Variants in TAMM41 observed in about 807,000 individuals in gnomAD.
TAMM41 encodes phosphatidate cytidylyltransferase, mitochondrial.
In TAMM41, 36 loss-of-function variants were observed where a neutral mutation model predicts 44.1. The ratio of observed to expected loss-of-function variants is 0.82; its 90% CI spans 0.63 to 1.08. TAMM41 has a LOEUF of 1.08. Ranked by LOEUF, TAMM41 falls within the 50% of genes least tolerant of loss-of-function variation. The pLI, the probability that TAMM41 is intolerant of heterozygous loss-of-function variation, is 0.00. For synonymous variants in TAMM41, 164 were observed against 153.1 expected, an observed-to-expected ratio of 1.07 and a Z score of -0.53; for missense variants, 417 against 404.3, an observed-to-expected ratio of 1.03 and a Z score of -0.27.
At chr3:11,733,457 C>G in the TAMM41 span, among the ~76,000 whole-genome samples, 6 of 151,866 alleles carry the variant, frequency 4.0e-5, no homozygotes, top group African/African-American at 1.5e-4. Context: ...TTGCATGACT[C>G]AGCATCCAGG....
At chr3:11,729,538 C>T in the TAMM41 span, among the ~76,000 whole-genome samples, 304 of 65,512 alleles carry the variant, frequency 4.6e-3, 29 homozygotes, top group East Asian at 0.01. Context: ...TTCTTTCTTT[C>T]ATTTTTTTTT....
intron 4 of TAMM41, among the ~76,000 whole-genome samples, chr3:11,828,932 G>T (rs2078870787): frequency 6.6e-6 from 1 of 152,064 alleles, no homozygotes; most frequent in African/African-American, 2.4e-5. Flanking sequence ...TTTTTTTTAA[G>T]ATGGTGGTTT....
chr3:11,751,301 A>G, the TAMM41 span, among the ~76,000 whole-genome samples: 1 of 152,076 alleles, frequency 6.6e-6, no homozygotes, highest in Non-Finnish European at 1.5e-5. Context: ...CATGTTGGCC[A>G]GTCTGGTCTC....
intron 6 of TAMM41, 176 bp from the exon 7 acceptor site, chr3:11,808,071 G>C: frequency 7.8e-7 from 1 of 1,288,256 alleles, no homozygotes; most frequent in Non-Finnish European, 1.0e-6. Flanking sequence ...TGAGGGCCAG[G>C]AGACCAGAGC....
At chr3:11,735,399 T>G in the TAMM41 span, among the ~76,000 whole-genome samples, 1 of 151,824 alleles carries the variant, frequency 6.6e-6, no homozygotes, top group African/African-American at 2.4e-5. Flanking sequence ...AAATATGGGC[T>G]GAGGCAGGCA....
At chr3:11,787,320 G>A (rs1362556092), downstream of TAMM41, among the ~76,000 whole-genome samples, 3 of 152,204 alleles carry the variant, frequency 2.0e-5, no homozygotes, top group African/African-American at 7.2e-5. Flanking sequence ...CAAAGAATTT[G>A]TGAACATATT....
At chr3:11,776,060 C>T in the TAMM41 span, among the ~76,000 whole-genome samples, 6 of 147,692 alleles carry the variant, frequency 4.1e-5, no homozygotes, top group African/African-American at 1.5e-4. Context: ...GTTGCCCAGG[C>T]TAGAGTGCAG....
chr3:11,747,571 C>A, the TAMM41 span, among the ~76,000 whole-genome samples: 4 of 151,828 alleles, frequency 2.6e-5, no homozygotes, highest in Non-Finnish European at 5.9e-5. Context: ...GAGTTCAAGA[C>A]CCCTGGGCAA....
chr3:11,744,348 G>T, the TAMM41 span, among the ~76,000 whole-genome samples: 464 of 152,120 alleles, frequency 3.1e-3, 3 homozygotes, highest in African/African-American at 9.4e-3. Context: ...GATTACAGGT[G>T]TGAGCCACCA....
chr3:11,799,516 G>A (rs1204219618), intron 7 of TAMM41, among the ~76,000 whole-genome samples: 1 of 152,192 alleles, frequency 6.6e-6, no homozygotes, highest in Non-Finnish European at 1.5e-5. Context: ...CACAGAATCT[G>A]AAGGGGTGCT....
chr3:11,722,471 G>A, the TAMM41 span, among the ~76,000 whole-genome samples: 2 of 152,060 alleles, frequency 1.3e-5, no homozygotes, highest in Non-Finnish European at 2.9e-5. Context: ...GACTTACAGT[G>A]ACCTCAACAA....
At chr3:11,784,273 T>A in the TAMM41 span, among the ~76,000 whole-genome samples, 1 of 152,228 alleles carries the variant, frequency 6.6e-6, no homozygotes, top group African/African-American at 2.4e-5. Context: ...GGAGGGCAGA[T>A]CACTTGAGTT....
At chr3:11,790,075 G>A (rs570334210), downstream of TAMM41, among the ~76,000 whole-genome samples, 5 of 152,248 alleles carry the variant, frequency 3.3e-5, no homozygotes, top group South Asian at 2.1e-4. Context: ...AAATGTTGAC[G>A]TGACACTTGC....
downstream of TAMM41, among the ~76,000 whole-genome samples, chr3:11,787,019 G>C (rs1171782436): frequency 6.6e-6 from 1 of 152,182 alleles, no homozygotes; most frequent in Non-Finnish European, 1.5e-5. Flanking sequence ...CAGTGGCTGG[G>C]GCTGGAGTTA....
the TAMM41 span, among the ~76,000 whole-genome samples, chr3:11,734,137 C>A: frequency 6.6e-6 from 1 of 152,182 alleles, no homozygotes; most frequent in East Asian, 1.9e-4. Context: ...CGGCTCTGTG[C>A]AAAGAGAACC....
chr3:11,758,386 C>G, the TAMM41 span, among the ~76,000 whole-genome samples: 2 of 152,168 alleles, frequency 1.3e-5, no homozygotes, highest in Non-Finnish European at 2.9e-5. Flanking sequence ...GAGTCTCGCT[C>G]TGTTGCCCAG....
intron 7 of TAMM41, among the ~76,000 whole-genome samples, chr3:11,794,721 A>G (rs2077564874): frequency 6.6e-6 from 1 of 152,180 alleles, no homozygotes; most frequent in African/African-American, 2.4e-5. Flanking sequence ...ACGTAAGACT[A>G]TGAACTCCCC....
Position 11,829,704 on chromosome 3 carries a change from C to T in TAMM41, c.562+10G>A, listed in dbSNP as rs1360415944. On this transcript the variant is annotated intron_variant, in intron 4 of 7. Coordinates refer to ENST00000455809, the MANE Select transcript of TAMM41 (RefSeq NM_001284401.2). ...CCCTTGTAGAACATCTGGGCAGCAA[C>T]CATACTAACCTGAATAGGAGAGACC... The T allele has an allele frequency of 6.2e-7, 1 of 1,613,850 alleles. No individual in the cohort carries two copies. The highest frequency in any genetic ancestry group is 1.1e-5 in the South Asian group (1 of 91,054).
intron 7 of TAMM41, among the ~76,000 whole-genome samples, chr3:11,792,506 C>T (rs2077503839): frequency 6.6e-6 from 1 of 152,226 alleles, no homozygotes; most frequent in African/African-American, 2.4e-5. Context: ...TGCGTAGGTG[C>T]ACTTCTGTGC....
Sources: allele counts gnomAD v4.1 joint callset (sites outside exome capture counted in the v4.1 genomes callset), GRCh38; gene constraint gnomAD v4.1.1; transcripts MANE v1.5; gene names NCBI Gene and HGNC (gene_info 2026-07-23, HGNC 2026-07-21).